HEATR9: variants seen among roughly 807,000 people sequenced by gnomAD.
HEATR9 encodes the protein HEAT repeat containing 9, also known as protein HEATR9.
HEATR9 carries 54 observed loss-of-function variants against 68.2 expected under a neutral mutation model. That is an observed-to-expected ratio of 0.79 (90% CI 0.64 to 0.99). The LOEUF is 0.99. Ranked by LOEUF, HEATR9 falls within the 50% of genes least tolerant of loss-of-function variation. HEATR9 has a pLI of 0.00. For synonymous variants in HEATR9, 241 were observed against 253.5 expected (o/e 0.95, Z 0.47); for missense variants, 662 against 679.7 (o/e 0.97, Z 0.29).
intron 1 of HEATR9, among the ~76,000 whole-genome samples, chr17:35,868,023 C>G (rs766756647): frequency 6.6e-6 from 1 of 152,140 alleles, no homozygotes; most frequent in Non-Finnish European, 1.5e-5. Flanking sequence ...TCAAGTGATC[C>G]GCCCGCTTTG....
intron 1 of HEATR9, 42 bp from the exon 2 acceptor site, chr17:35,866,815 TAGC>T (rs548150436): frequency 7.3e-4 from 1,173 of 1,598,304 alleles, no homozygotes; most frequent in Non-Finnish European, 8.7e-4. Flanking sequence ...TCAAATGAGA[TAGC>T]AGTTGCAGGC....
chr17:35,861,056 A>T, intron 8 of HEATR9: 1 of 825,008 alleles, frequency 1.2e-6, no homozygotes, highest in Admixed American at 1.8e-5. Context: ...AAAAAAAAAA[A>T]GAAATGGTTA....
At position 35,858,992 on chromosome 17, in the gene HEATR9, G is replaced by A; in HGVS notation, c.835C>T (p.Leu279=). The change falls in exon 9 of 15, where the codon CTG becomes TTG. Residue 279 remains leucine (L), a synonymous_variant. Transcript: ENST00000604834. Reference sequence around the variant, plus strand: ...AAACCCAGGCACAGGGCTGCCTCCAGAGATGCTTCACTGGACGACTTCTTG... The same window carrying A: ...AAACCCAGGCACAGGGCTGCCTCCAAAGATGCTTCACTGGACGACTTCTTG... ...LIKKSSSEAS[L]EAALCLGFLR... The A allele has an allele frequency of 6.2e-7, 1 of 1,614,208 alleles. No individual in the cohort carries two copies. The highest frequency in any genetic ancestry group is 8.5e-7 in the Non-Finnish European group (1 of 1,180,044).
intron 7 of HEATR9, 120 bp from the exon 8 acceptor site, chr17:35,863,245 T>C (rs547536015): frequency 1.2e-4 from 161 of 1,331,640 alleles, no homozygotes; most frequent in Non-Finnish European, 1.6e-4. Context: ...TACCACAGTG[T>C]TGCTCATCTT....
At chr17:35,855,843 G>T in intron 13 of HEATR9, 93 bp from the exon 14 acceptor site, 1 of 1,058,714 alleles carries the variant, frequency 9.4e-7, no homozygotes, top group Non-Finnish European at 1.5e-6. Context: ...AGACTCTGCA[G>T]CATAGAGAGG....
intron 1 of HEATR9, among the ~76,000 whole-genome samples, chr17:35,868,247 C>A (rs1183132069): frequency 6.6e-6 from 1 of 152,204 alleles, no homozygotes; most frequent in African/African-American, 2.4e-5. Flanking sequence ...GGTACCTAAC[C>A]TGGCTGGGAG....
Position 35,858,438 on chromosome 17 carries a change from G to C in HEATR9, c.1027C>G (p.Leu343Val). 6.2e-7 allele frequency: 1 copy of C among 1,614,124 alleles called. No individual in the cohort carries two copies. The highest frequency in any genetic ancestry group is 8.5e-7 in the Non-Finnish European group (1 of 1,180,010). Residue 343 changes from leucine (L) to valine (V), a missense_variant, in exon 10 of 15, where the codon CTT becomes GTT. Transcript: ENST00000604834. The stretch of plus-strand genomic sequence containing the variant: ...TCAGGCAGTCCAGAGCTTACCTCAA[G>C]GACACTGGAAGAACACAGCTGGTCT... ...ILDQLCSSSV[L>V]EDRFEATQML... is the part of the protein sequence containing the mutation.
chr17:35,860,389 C>G (rs2087938460), intron 8 of HEATR9, among the ~76,000 whole-genome samples: 1 of 128,642 alleles, frequency 7.8e-6, no homozygotes, highest in Admixed American at 7.9e-5. Context: ...AAGACTCCGT[C>G]TCAAAAAAAA....
chr17:35,855,566 TCTC>T, intron 14 of HEATR9, 95 bp downstream of exon 14: 1 of 1,337,242 alleles, frequency 7.5e-7, no homozygotes. Context: ...CTCATGACCC[TCTC>T]CTCCTGACAA....
intron 2 of HEATR9, 102 bp from the exon 3 acceptor site, chr17:35,865,498 CAG>C (rs2088169958): frequency 3.9e-6 from 3 of 779,098 alleles, no homozygotes; most frequent in Non-Finnish European, 4.1e-6. Flanking sequence ...CAGGGTGAAA[CAG>C]ATGCCCTCTA....
Position 35,856,823 on chromosome 17 carries a change from T to C in HEATR9, c.1153-18A>G. The C allele has an allele frequency of 6.3e-7, 1 of 1,591,088 alleles. No homozygotes were observed. Among genetic ancestry groups the C allele is most frequent in the Non-Finnish European group, 8.6e-7 (1 of 1,167,290 alleles). On this transcript the variant is annotated intron_variant, in intron 11 of 14. Transcript: ENST00000604834. ...CTCACAGCCTGCAGAGGGATCAAAA[T>C]GAGTCAACAGAGAGAGGGAATGCAA... is the stretch of plus-strand genomic sequence containing the variant.
rs753039989 is a variant in HEATR9 at position 35,865,205 on chromosome 17, C to A, written c.320+10G>T. ...AGGGTGAGAAGAATATGGAGGCCAG[C>A]AAAACACACCTACAGTCATCTCTCA... is the stretch of plus-strand genomic sequence containing the variant. On this transcript the variant is annotated intron_variant, in intron 3 of 14. Transcript: ENST00000604834. The A allele has an allele frequency of 3.6e-5, 58 of 1,611,012 alleles. No individual in the cohort carries two copies. Among genetic ancestry groups the A allele is most frequent in the East Asian group, 4.5e-5 (2 of 44,890 alleles).
chr17:35,858,581 C>G, intron 9 of HEATR9, 56 bp from the exon 10 acceptor site: 1 of 1,493,578 alleles, frequency 6.7e-7, no homozygotes, highest in Non-Finnish European at 9.3e-7. Flanking sequence ...TCTGTGTGGC[C>G]AGGTGGACTT....
chr17:35,866,612 C>T (rs571128444), intron 2 of HEATR9, 112 bp downstream of exon 2: 2 of 1,000,528 alleles, frequency 2.0e-6, no homozygotes, highest in Admixed American at 1.9e-5. Context: ...TTAATGGCAG[C>T]CCCAGGGGTA....
chr17:35,856,478 A>G (rs1457314527), intron 12 of HEATR9: 39 of 1,041,028 alleles, frequency 3.7e-5, no homozygotes, highest in South Asian at 1.5e-4. Context: ...TTTTCATGTC[A>G]TAATTTGAGC....
chr17:35,856,240 T>A lies in HEATR9; in HGVS notation c.1227-16A>T. The A allele has an allele frequency of 6.2e-7, 1 of 1,613,474 alleles. No homozygotes were observed. Among genetic ancestry groups the A allele is most frequent in the South Asian group, 1.1e-5 (1 of 91,042 alleles). On this transcript the variant is annotated splice_polypyrimidine_tract_variant and intron_variant, in intron 12 of 14. Transcript: ENST00000604834. ...CATCAGTTGTCTGTGTAGAAGGGAG[T>A]GAGTATGTTATAGTTGAATTAAGGA...
rs750233470 is a variant in HEATR9 at position 35,858,219 on chromosome 17, G to A, written c.1133C>T (p.Thr378Met). 3.4e-5 allele frequency: 55 copies of A among 1,614,016 alleles called. No homozygotes were observed. In the Admixed American group the frequency reaches 4.3e-4, roughly 13 times the overall value. ...ACTTACAAGGAAGGGTTCATTATGC[G>A]TCTTCCTCCTGAGCAGGTTAAATGT... Reference protein sequence around the residue: ...ELTFNLLRRKTHNEPFLAVRQ... With the variant: ...ELTFNLLRRKMHNEPFLAVRQ... The change falls in exon 11 of 15, where the codon ACG becomes ATG. Residue 378 changes from threonine to methionine, a missense_variant. Physicochemically the swap from Thr to Met is moderately conservative, Grantham distance 81. Coordinates refer to ENST00000604834, the MANE Select transcript of HEATR9 (RefSeq NM_152781.4).
intron 3 of HEATR9, 129 bp from the exon 4 acceptor site, chr17:35,865,019 A>G: frequency 2.2e-6 from 3 of 1,388,576 alleles, no homozygotes; most frequent in South Asian, 1.3e-5. Context: ...ATGAGGACTC[A>G]GTGATATCCA....
chr17:35,863,832 C>T lies in HEATR9; in HGVS notation c.568-273G>A, dbSNP rs778570065. 89 of 570,212 alleles carry T rather than the reference C, an allele frequency of 1.6e-4. 1 individual carries two copies. Among genetic ancestry groups the T allele is most frequent in the Non-Finnish European group, 6.2e-5 (20 of 321,074 alleles). 35.3% of individuals were successfully genotyped at this position (570,212 alleles called of 1,614,324 possible). On this transcript the variant is annotated intron_variant, in intron 6 of 14. Coordinates refer to ENST00000604834, the MANE Select transcript of HEATR9 (RefSeq NM_152781.4). ...TGGTCTCTCAGAGCTTTCATTTTCT[C>T]ATTTAGAGAAATACAGATACTAATT...
Sources: gnomAD v4.1 joint callset for allele counts (sites outside exome capture counted in the v4.1 genomes callset) on GRCh38, gnomAD v4.1.1 for gene constraint, MANE v1.5 for transcripts, NCBI Gene and HGNC (gene_info 2026-07-23, HGNC 2026-07-21) for gene names.